Variants in PDE1C observed in about 807,000 individuals in gnomAD.
PDE1C encodes dual specificity calcium/calmodulin-dependent 3',5'-cyclic nucleotide phosphodiesterase 1C.
In PDE1C, 62 loss-of-function variants were observed where a neutral mutation model predicts 93.1. That is an observed-to-expected ratio of 0.67 (90% confidence interval 0.54 to 0.82). PDE1C has a LOEUF of 0.82. Ranked by LOEUF, PDE1C falls within the 40% of genes least tolerant of loss-of-function variation. The probability of loss-of-function intolerance (pLI) is 0.00; values close to 1 mark genes in which losing one functional copy is unlikely to be tolerated. For missense variants in PDE1C, 742 were observed against 884.6 expected, an observed-to-expected ratio of 0.84 and a Z score of 2.04; for synonymous variants, 325 against 310.1, an observed-to-expected ratio of 1.05 and a Z score of -0.50.
At chr7:32,026,887 A>T (rs999702098) in intron 2 of PDE1C, among the ~76,000 whole-genome samples, 1 of 152,160 alleles carries the variant, frequency 6.6e-6, no homozygotes, top group Admixed American at 6.5e-5. Context: ...ACATGAATAC[A>T]TATTGCTGAG....
intron 2 of PDE1C, among the ~76,000 whole-genome samples, chr7:31,956,619 CCT>C (rs1188591158): frequency 2.0e-5 from 3 of 151,474 alleles, no homozygotes; most frequent in Non-Finnish European, 4.4e-5. Context: ...TTCAGGACAG[CCT>C]GAAATTATCC....
At chr7:32,368,653 A>C (rs1205921813) in intron 1 of PDE1C, among the ~76,000 whole-genome samples, 1 of 152,120 alleles carries the variant, frequency 6.6e-6, no homozygotes. Context: ...TTTTAAAATC[A>C]ATCTTAAAAT....
intron 2 of PDE1C, among the ~76,000 whole-genome samples, chr7:32,014,041 T>C (rs912558341): frequency 6.6e-6 from 1 of 152,242 alleles, no homozygotes; most frequent in African/African-American, 2.4e-5. Context: ...CCTAATGAGT[T>C]ATCCCTGTCC....
At chr7:32,343,103 A>G (rs1359628813) in intron 1 of PDE1C, among the ~76,000 whole-genome samples, 1 of 152,204 alleles carries the variant, frequency 6.6e-6, no homozygotes, top group Non-Finnish European at 1.5e-5. Flanking sequence ...GAGGCTGCCA[A>G]CAAGGACTTG....
At chr7:31,632,736 C>T in the PDE1C span, among the ~76,000 whole-genome samples, 1 of 152,098 alleles carries the variant, frequency 6.6e-6, no homozygotes, top group Non-Finnish European at 1.5e-5. Context: ...ATCCCTACTA[C>T]TGAAGCCCAG....
At chr7:32,146,834 T>C (rs1800866672) in intron 3 of PDE1C, among the ~76,000 whole-genome samples, 1 of 152,084 alleles carries the variant, frequency 6.6e-6, no homozygotes, top group African/African-American at 2.4e-5. Flanking sequence ...TCAGGAAAGT[T>C]TACTAAAACA....
chr7:32,073,532 C>T (rs1006928744), upstream of PDE1C, among the ~76,000 whole-genome samples: 1 of 152,160 alleles, frequency 6.6e-6, no homozygotes, highest in African/African-American at 2.4e-5. Flanking sequence ...ACAGAGTCCA[C>T]CTCTGCCTCC....
intron 17 of PDE1C, among the ~76,000 whole-genome samples, chr7:31,758,714 T>C (rs1306114730): frequency 6.6e-6 from 1 of 152,182 alleles, no homozygotes; most frequent in African/African-American, 2.4e-5. Context: ...GATCTCAGAG[T>C]GCTTAATTCT....
At chr7:32,075,172 G>T (rs1796280394), upstream of PDE1C, among the ~76,000 whole-genome samples, 1 of 152,198 alleles carries the variant, frequency 6.6e-6, no homozygotes, top group Non-Finnish European at 1.5e-5. Flanking sequence ...TACAAACAAG[G>T]AAGAGTAGAA....
chr7:32,288,727 A>C (rs1407103617), intron 1 of PDE1C, among the ~76,000 whole-genome samples: 2 of 152,228 alleles, frequency 1.3e-5, no homozygotes, highest in African/African-American at 4.8e-5. Flanking sequence ...ACTGTAAACT[A>C]ATTACTTTAA....
At chr7:31,740,872 C>A in the PDE1C span, among the ~76,000 whole-genome samples, 11 of 151,996 alleles carry the variant, frequency 7.2e-5, no homozygotes, top group East Asian at 1.9e-3. Flanking sequence ...AGTTTGAGAC[C>A]AGCCTGGGAA....
At chr7:31,767,457 T>C (rs997180134) in intron 17 of PDE1C, among the ~76,000 whole-genome samples, 4 of 152,180 alleles carry the variant, frequency 2.6e-5, no homozygotes, top group African/African-American at 9.7e-5. Context: ...TCTGGCAATA[T>C]GAAGTGCTGG....
upstream of PDE1C, chr7:32,070,435 T>C (rs761154447): frequency 3.1e-6 from 5 of 1,611,288 alleles, no homozygotes; most frequent in African/African-American, 2.7e-5. Flanking sequence ...CTGAGATAGT[T>C]TGGGCTGTCC....
intron 17 of PDE1C, among the ~76,000 whole-genome samples, chr7:31,754,146 A>G (rs943083167): frequency 1.3e-5 from 2 of 152,248 alleles, no homozygotes. Context: ...CATAGGAAAA[A>G]ATGCTCAACA....
chr7:32,057,184 C>G (rs934326230), intron 1 of PDE1C, among the ~76,000 whole-genome samples: 1 of 152,126 alleles, frequency 6.6e-6, no homozygotes, highest in African/African-American at 2.4e-5. Context: ...AAAACTGAGC[C>G]CAGTGACTTG....
intron 1 of PDE1C, among the ~76,000 whole-genome samples, chr7:32,396,989 G>T (rs1288107499): frequency 6.6e-6 from 1 of 152,074 alleles, no homozygotes; most frequent in Non-Finnish European, 1.5e-5. Flanking sequence ...ACTTAAAAAG[G>T]ATCAGAGACC....
chr7:32,007,769 CAAAT>C (rs1786479810), intron 2 of PDE1C, among the ~76,000 whole-genome samples: 1 of 152,136 alleles, frequency 6.6e-6, no homozygotes, highest in Admixed American at 6.6e-5. Flanking sequence ...CATGGAAACT[CAAAT>C]AAATCATTGA....
intron 7 of PDE1C, among the ~76,000 whole-genome samples, chr7:31,859,174 C>T (rs943992286): frequency 6.7e-6 from 1 of 148,786 alleles, no homozygotes; most frequent in Non-Finnish European, 1.5e-5. Context: ...TGACTATGTA[C>T]ATTTATGATT....
intron 2 of PDE1C, among the ~76,000 whole-genome samples, chr7:31,999,656 A>G (rs377095777): frequency 1.3e-5 from 2 of 152,190 alleles, no homozygotes; most frequent in African/African-American, 4.8e-5. Context: ...ATATAAAAAC[A>G]CCTTTAGGCA....
Sources: gnomAD v4.1 joint callset for allele counts (sites outside exome capture counted in the v4.1 genomes callset) on GRCh38, gnomAD v4.1.1 for gene constraint, MANE v1.5 for transcripts, NCBI Gene and HGNC (gene_info 2026-07-23, HGNC 2026-07-21) for gene names.